CYP4F22: variants seen among roughly 807,000 people sequenced by gnomAD.
CYP4F22 encodes the protein cytochrome P450 family 4 subfamily F member 22.
A neutral mutation model predicts 60.4 loss-of-function variants in CYP4F22; 37 were observed. That is an observed-to-expected ratio of 0.61 (90% CI 0.47 to 0.81). CYP4F22 has a LOEUF of 0.81. Ranked by LOEUF, CYP4F22 falls within the 30% of genes least tolerant of loss-of-function variation. CYP4F22 has a pLI of 0.00. For synonymous variants in CYP4F22, 258 were observed against 280.5 expected, an observed-to-expected ratio of 0.92 and a Z score of 0.80; for missense variants, 655 against 715.0, an observed-to-expected ratio of 0.92 and a Z score of 0.96.
At chr19:15,530,925 G>T (rs1971336231) in intron 4 of CYP4F22, among the ~76,000 whole-genome samples, 1 of 152,128 alleles carries the variant, frequency 6.6e-6, no homozygotes, top group African/African-American at 2.4e-5. Flanking sequence ...ACATCTGAGA[G>T]AACTCACTCT....
chr19:15,543,906 G>T, intron 8 of CYP4F22, 65 bp from the exon 9 acceptor site: 36 of 1,445,668 alleles, frequency 2.5e-5, no homozygotes, highest in Non-Finnish European at 3.2e-5. Context: ...TCTGAGTTTT[G>T]AGGAGCCCCT....
chr19:15,533,985 T>G (rs1971370306), intron 4 of CYP4F22, among the ~76,000 whole-genome samples: 1 of 152,144 alleles, frequency 6.6e-6, no homozygotes, highest in Non-Finnish European at 1.5e-5. Context: ...AATTGCCAAG[T>G]CATATGGAAT....
intron 3 of CYP4F22, among the ~76,000 whole-genome samples, chr19:15,526,955 G>A (rs550053291): frequency 6.6e-6 from 1 of 152,166 alleles, no homozygotes; most frequent in Admixed American, 6.5e-5. Context: ...GTTTCACCGT[G>A]TTGGCCAGAC....
At chr19:15,516,849 T>TTC in intron 1 of CYP4F22, 2 of 367,898 alleles carry the variant, frequency 5.4e-6, no homozygotes, top group Non-Finnish European at 8.4e-6. Context: ...TTTTTTTTTT[T>TTC]TTTTTGAGAC....
chr19:15,509,904 CCTTTCTTT>C (rs1246966485), intron 1 of CYP4F22, among the ~76,000 whole-genome samples: 1 of 86,696 alleles, frequency 1.2e-5, no homozygotes, highest in Admixed American at 1.2e-4. Context: ...TTCCTTCCTT[CCTTTCTTT>C]CTTTCCTTCC....
At chr19:15,525,110 A>G (rs971657451) in intron 2 of CYP4F22, among the ~76,000 whole-genome samples, 1 of 152,200 alleles carries the variant, frequency 6.6e-6, no homozygotes, top group Non-Finnish European at 1.5e-5. Flanking sequence ...TAGAGAAGTC[A>G]AGAGGGTGGC....
At chr19:15,542,375 TA>T (rs71176430) in intron 8 of CYP4F22, among the ~76,000 whole-genome samples, 5 of 148,534 alleles carry the variant, frequency 3.4e-5, no homozygotes, top group Non-Finnish European at 7.4e-5. Context: ...CTACTAAAAA[TA>T]AAAAAAAAAT....
At chr19:15,526,072 C>T (rs550366097) in intron 3 of CYP4F22, among the ~76,000 whole-genome samples, 1 of 151,732 alleles carries the variant, frequency 6.6e-6, no homozygotes, top group Admixed American at 6.6e-5. Context: ...GGCTGAGGCG[C>T]GAGGATTGTT....
intron 13 of CYP4F22, among the ~76,000 whole-genome samples, chr19:15,551,084 A>G (rs1599820439): frequency 6.6e-6 from 1 of 152,258 alleles, no homozygotes; most frequent in African/African-American, 2.4e-5. Flanking sequence ...AGCTAGTAAG[A>G]GGCTGTACTG....
intron 4 of CYP4F22, among the ~76,000 whole-genome samples, chr19:15,536,125 G>T (rs894599861): frequency 6.6e-6 from 1 of 152,054 alleles, no homozygotes. Flanking sequence ...GATCACTTGA[G>T]CTCAGGAGTT....
At position 15,540,610 on chromosome 19, in the gene CYP4F22, G is replaced by T; in HGVS notation, c.832G>T (p.Val278Phe). Residue 278 changes from valine to phenylalanine, a missense_variant, in exon 8 of 14, where the codon GTC (valine) becomes TTC (phenylalanine). Transcript: ENST00000269703. ...CATGGTGCACCACTTCACCACTGAA[G>T]TCATCCAGGAACGGCGGCGGGCACT... ...CDMVHHFTTEVIQERRRALRQ... is the reference protein window; with the variant it reads ...CDMVHHFTTEFIQERRRALRQ... The T allele has an allele frequency of 6.2e-7, 1 of 1,614,234 alleles. No homozygotes were observed. Among genetic ancestry groups the T allele is most frequent in the Non-Finnish European group, 8.5e-7 (1 of 1,180,052 alleles).
chr19:15,511,693 G>A (rs72996085), intron 1 of CYP4F22, among the ~76,000 whole-genome samples: 7,768 of 152,216 alleles, frequency 0.051, 279 homozygotes, highest in Middle Eastern at 0.11. Flanking sequence ...TGGGGCCAGC[G>A]TTGGGGTGCT....
At chr19:15,533,087 A>G (rs1971360869) in intron 4 of CYP4F22, among the ~76,000 whole-genome samples, 1 of 152,190 alleles carries the variant, frequency 6.6e-6, no homozygotes, top group African/African-American at 2.4e-5. Flanking sequence ...TTGAGCCTGG[A>G]GGAGGGCCCA....
At chr19:15,530,808 C>T (rs772038528) in intron 4 of CYP4F22, among the ~76,000 whole-genome samples, 5 of 152,064 alleles carry the variant, frequency 3.3e-5, no homozygotes, top group Non-Finnish European at 4.4e-5. Context: ...TACCCCCCAC[C>T]GGATCCCTCG....
At chr19:15,537,128 G>A (rs2144527405) in intron 4 of CYP4F22, among the ~76,000 whole-genome samples, 1 of 152,136 alleles carries the variant, frequency 6.6e-6, no homozygotes, top group South Asian at 2.1e-4. Context: ...GTGAAACTCT[G>A]TCTCTGCTAA....
intron 3 of CYP4F22, among the ~76,000 whole-genome samples, chr19:15,527,654 G>A (rs1330630048): frequency 1.3e-5 from 2 of 152,218 alleles, no homozygotes; most frequent in African/African-American, 4.8e-5. Context: ...CTGCAATTGA[G>A]CCCTGGGTGT....
At chr19:15,549,113 C>T (rs1467125021) in intron 11 of CYP4F22, 25 bp from the exon 12 acceptor site, 2 of 1,613,900 alleles carry the variant, frequency 1.2e-6, no homozygotes, top group South Asian at 2.2e-5. Context: ...CCCCTTGGCC[C>T]CACTGATCCC....
rs774046189 is a variant in CYP4F22, at chr19:15,525,417, TCTC to T, written c.85_87del (p.Leu29del). 6.8e-6 allele frequency: 11 copies of T among 1,614,148 alleles called. No homozygotes were observed. Among genetic ancestry groups the T allele is most frequent in the East Asian group, 2.2e-5 (1 of 44,882 alleles). On this transcript the variant is annotated inframe_deletion, in exon 3 of 14. Coordinates refer to ENST00000269703, the MANE Select transcript of CYP4F22 (RefSeq NM_173483.4). ...TCCGCATATACGCGGTGTCCACCCT[TCTC>T]CTCTTCCTGCTCTTCTTCCTGTTCC...
chr19:15,547,687 G>A (rs1402249364), intron 10 of CYP4F22, among the ~76,000 whole-genome samples: 1 of 151,864 alleles, frequency 6.6e-6, no homozygotes, highest in African/African-American at 2.4e-5. Context: ...GCCGGGTGTG[G>A]GTGCGCATGC....
Sources: gnomAD v4.1 joint callset for allele counts (sites outside exome capture counted in the v4.1 genomes callset) on GRCh38, gnomAD v4.1.1 for gene constraint, MANE v1.5 for transcripts, NCBI Gene and HGNC (gene_info 2026-07-23, HGNC 2026-07-21) for gene names.